Variants in SERGEF observed in about 807,000 individuals in gnomAD.
The protein encoded by SERGEF is secretion regulating guanine nucleotide exchange factor.
Under a neutral mutation model 50.0 loss-of-function variants are expected in SERGEF, and 51 were observed. The observed-to-expected ratio is 1.02, with a 90% CI of 0.81 to 1.29. SERGEF has a LOEUF of 1.29. SERGEF is among the 50% of genes most tolerant of loss of function. The pLI is 0.00. For synonymous variants in SERGEF, 205 were observed against 212.4 expected (o/e 0.97, Z 0.30); for missense variants, 521 against 557.0 (o/e 0.94, Z 0.65).
At chr11:17,792,619 C>T (rs1455919968) in intron 10 of SERGEF, among the ~76,000 whole-genome samples, 3 of 152,236 alleles carry the variant, frequency 2.0e-5, no homozygotes, top group African/African-American at 4.8e-5. Context: ...AATATCCCCC[C>T]GCAGTACTTC....
intron 9 of SERGEF, among the ~76,000 whole-genome samples, chr11:17,895,595 A>C (rs1343690609): frequency 6.6e-6 from 1 of 152,192 alleles, no homozygotes; most frequent in East Asian, 1.9e-4. Context: ...TCTGGTACAA[A>C]ATAAAGTTGT....
At chr11:17,970,345 G>A (rs211098) in intron 8 of SERGEF, among the ~76,000 whole-genome samples, 95,800 of 152,020 alleles carry the variant, frequency 0.63, 30,562 homozygotes, top group African/African-American at 0.73. Context: ...CCATGCCCAT[G>A]TAAGATGGCA....
At chr11:17,985,174 G>A (rs1489784223) in intron 8 of SERGEF, among the ~76,000 whole-genome samples, 1 of 152,100 alleles carries the variant, frequency 6.6e-6, no homozygotes, top group African/African-American at 2.4e-5. Context: ...TTATCCCTGT[G>A]GAAACAGAAG....
At chr11:17,802,459 C>T (rs776543069) in intron 10 of SERGEF, among the ~76,000 whole-genome samples, 2 of 152,100 alleles carry the variant, frequency 1.3e-5, no homozygotes, top group African/African-American at 2.4e-5. Flanking sequence ...GAGGCTGAGG[C>T]GAGGCACATT....
Position 17,981,736 on chromosome 11 carries a change from A to T in SERGEF, c.844+6861T>A, listed in dbSNP as rs540607738. Among the ~76,000 whole-genome samples the T allele has an allele frequency of 3.3e-5, 5 of 152,276 alleles. No homozygotes were observed. The South Asian group carries it at 8.3e-4, about 25-fold the overall frequency. ...ATTTCCCAGTTTCTACTCCACACAC[A>T]TATCCTTAAAGAAATCTATGGCTGC... On this transcript the variant is annotated intron_variant, in intron 8 of 10. Transcript: ENST00000265965.
Position 17,988,671 on chromosome 11 carries a change from A to G in SERGEF, c.770T>C (p.Ile257Thr), listed in dbSNP as rs1458414209. The G allele has an allele frequency of 1.2e-6, 2 of 1,614,004 alleles. No individual in the cohort carries two copies. The highest frequency in any genetic ancestry group is 1.7e-6 in the Non-Finnish European group (2 of 1,179,988). ...TTCATTCTGGAAACAATGTGCTTCT[A>G]TTTTCTGGGGCACAGGAAGGAAAGC... Reference protein sequence around the residue: ...EAAFLPVPQKIEAHCFQNEKV... With the variant: ...EAAFLPVPQKTEAHCFQNEKV... The change falls in exon 8 of 11, where the codon ATA becomes ACA. Residue 257 changes from isoleucine to threonine, a missense_variant. Ile to Thr is a moderately conservative substitution (Grantham distance 89). Coordinates refer to ENST00000265965, the MANE Select transcript of SERGEF (RefSeq NM_012139.4).
intron 10 of SERGEF, among the ~76,000 whole-genome samples, chr11:17,835,679 T>C (rs1234976042): frequency 6.6e-6 from 1 of 152,198 alleles, no homozygotes; most frequent in African/African-American, 2.4e-5. Flanking sequence ...TTGGATCAAA[T>C]TGACTCAAAT....
intron 7 of SERGEF, among the ~76,000 whole-genome samples, chr11:17,990,750 GAAGA>G (rs1853696858): frequency 6.6e-6 from 1 of 150,802 alleles, no homozygotes; most frequent in South Asian, 2.1e-4. Context: ...TGAACTAGAT[GAAGA>G]AAGAGAGGGC....
intron 9 of SERGEF, among the ~76,000 whole-genome samples, chr11:17,912,601 T>C (rs929976834): frequency 6.6e-6 from 1 of 152,226 alleles, no homozygotes; most frequent in African/African-American, 2.4e-5. Flanking sequence ...CTAAACACTT[T>C]CATAATGAAT....
At chr11:17,868,576 C>T (rs1851074856) in intron 10 of SERGEF, among the ~76,000 whole-genome samples, 2 of 152,194 alleles carry the variant, frequency 1.3e-5, no homozygotes, top group African/African-American at 2.4e-5. Context: ...TCCAAAGTCG[C>T]ACCCACATTT....
At chr11:17,904,720 C>T (rs762793309) in intron 9 of SERGEF, among the ~76,000 whole-genome samples, 3 of 152,158 alleles carry the variant, frequency 2.0e-5, no homozygotes, top group South Asian at 2.1e-4. Context: ...AGATGCAAGG[C>T]CTACCAGTCT....
At chr11:17,901,080 T>A (rs1590186537) in intron 9 of SERGEF, among the ~76,000 whole-genome samples, 3 of 152,016 alleles carry the variant, frequency 2.0e-5, no homozygotes, top group South Asian at 4.2e-4. Flanking sequence ...CTATTTCTGT[T>A]AGGTGCTGCC....
intron 10 of SERGEF, among the ~76,000 whole-genome samples, chr11:17,860,833 T>C (rs910818235): frequency 6.6e-6 from 1 of 152,098 alleles, no homozygotes; most frequent in Non-Finnish European, 1.5e-5. Context: ...ACACACACAG[T>C]GGATGTAACA....
chr11:17,838,705 C>T (rs1183574132), intron 10 of SERGEF, among the ~76,000 whole-genome samples: 1 of 152,154 alleles, frequency 6.6e-6, no homozygotes, highest in Non-Finnish European at 1.5e-5. Flanking sequence ...TCTCACAGGT[C>T]TAGTGTGAGA....
intron 9 of SERGEF, among the ~76,000 whole-genome samples, chr11:17,947,874 T>C (rs1406988034): frequency 6.6e-6 from 1 of 152,196 alleles, no homozygotes; most frequent in Non-Finnish European, 1.5e-5. Flanking sequence ...ATACATGGCA[T>C]GTAGTCAATG....
At chr11:17,837,681 CAG>C (rs1404174351) in intron 10 of SERGEF, among the ~76,000 whole-genome samples, 1 of 138,590 alleles carries the variant, frequency 7.2e-6, no homozygotes, top group Non-Finnish European at 1.5e-5. Flanking sequence ...TTTTTTGAGA[CAG>C]AGTCTTGCTC....
At chr11:17,813,439 G>T (rs1849909394) in intron 10 of SERGEF, among the ~76,000 whole-genome samples, 1 of 152,186 alleles carries the variant, frequency 6.6e-6, no homozygotes, top group Non-Finnish European at 1.5e-5. Context: ...TGCTACCTTA[G>T]AGATCCCATC....
At chr11:17,879,569 T>G (rs1380594490) in intron 9 of SERGEF, among the ~76,000 whole-genome samples, 1 of 152,204 alleles carries the variant, frequency 6.6e-6, no homozygotes, top group African/African-American at 2.4e-5. Flanking sequence ...TTTAAATTCA[T>G]GTATGAGTGA....
At chr11:17,965,378 G>C (rs1853097001) in intron 8 of SERGEF, among the ~76,000 whole-genome samples, 1 of 152,044 alleles carries the variant, frequency 6.6e-6, no homozygotes, top group African/African-American at 2.4e-5. Flanking sequence ...CCAGTTTCAG[G>C]CATTTCTTCA....
Sources: gnomAD v4.1 joint callset for allele counts (sites outside exome capture counted in the v4.1 genomes callset) on GRCh38, gnomAD v4.1.1 for gene constraint, MANE v1.5 for transcripts, NCBI Gene and HGNC (gene_info 2026-07-23, HGNC 2026-07-21) for gene names.